The following CHODL variants were observed in gnomAD, a reference collection of about 807,000 sequenced individuals.
CHODL encodes chondrolectin.
A neutral mutation model predicts 34.5 loss-of-function variants in CHODL; 29 were observed. The ratio of observed to expected loss-of-function variants is 0.84; its 90% confidence interval spans 0.63 to 1.15. The LOEUF is 1.15. Ranked by LOEUF, CHODL falls within the 50% of genes most tolerant of loss-of-function variation. CHODL has a pLI of 0.00. For synonymous variants in CHODL, 125 were observed against 116.1 expected, an observed-to-expected ratio of 1.08 and a Z score of -0.49; for missense variants, 332 against 332.5, an observed-to-expected ratio of 1.00 and a Z score of 0.01.
intron 2 of CHODL, among the ~76,000 whole-genome samples, chr21:18,071,713 T>TCATTTCTATTTCTATTA (rs1267686314): frequency 6.6e-6 from 1 of 152,180 alleles, no homozygotes; most frequent in African/African-American, 2.4e-5. Context: ...CATTTCTATT[T>TCATTTCTATTTCTATTA]CATTTCTATT....
intron 2 of CHODL, among the ~76,000 whole-genome samples, chr21:18,180,055 G>C (rs1792026568): frequency 6.6e-6 from 1 of 152,120 alleles, no homozygotes; most frequent in South Asian, 2.1e-4. Flanking sequence ...TATTGTTGTA[G>C]GGATTAAATG....
chr21:17,966,831 T>C (rs1483570717), intron 1 of CHODL, among the ~76,000 whole-genome samples: 1 of 152,002 alleles, frequency 6.6e-6, no homozygotes, highest in East Asian at 1.9e-4. Context: ...CAGTGTTTGG[T>C]GATACAGAAA....
At chr21:18,247,355 A>T (rs149404235) in intron 1 of CHODL, among the ~76,000 whole-genome samples, 1 of 152,126 alleles carries the variant, frequency 6.6e-6, no homozygotes, top group African/African-American at 2.4e-5. Context: ...AAATTTCAGT[A>T]CAACAATTTA....
chr21:18,228,341 G>T (rs939524567), intron 2 of CHODL, among the ~76,000 whole-genome samples: 1 of 152,010 alleles, frequency 6.6e-6, no homozygotes. Context: ...CATGTAAATC[G>T]CTTTCTCTGT....
At chr21:17,928,514 G>A (rs141194436) in intron 1 of CHODL, among the ~76,000 whole-genome samples, 249 of 152,262 alleles carry the variant, frequency 1.6e-3, no homozygotes, top group Middle Eastern at 6.8e-3. Context: ...GTATAAAGAT[G>A]TAAGAAGTGC....
chr21:17,928,868 T>C (rs548844335), intron 1 of CHODL, among the ~76,000 whole-genome samples: 1 of 152,352 alleles, frequency 6.6e-6, no homozygotes, highest in South Asian at 2.1e-4. Context: ...ATTTTAATAA[T>C]TTAGGCTTAG....
At chr21:18,089,831 G>A (rs551055899) in intron 2 of CHODL, among the ~76,000 whole-genome samples, 1 of 152,322 alleles carries the variant, frequency 6.6e-6, no homozygotes, top group South Asian at 2.1e-4. Context: ...AAATGAGATA[G>A]ATGAGTTTAT....
At chr21:18,103,656 G>T (rs1324384574) in intron 2 of CHODL, among the ~76,000 whole-genome samples, 1 of 152,134 alleles carries the variant, frequency 6.6e-6, no homozygotes, top group Non-Finnish European at 1.5e-5. Flanking sequence ...TGGAGCCATG[G>T]TGGAGATGGC....
intron 2 of CHODL, among the ~76,000 whole-genome samples, chr21:18,098,136 G>A (rs1340589285): frequency 6.6e-6 from 1 of 151,988 alleles, no homozygotes; most frequent in Non-Finnish European, 1.5e-5. Flanking sequence ...GACACTCTTA[G>A]GACTTTGGTC....
intron 2 of CHODL, among the ~76,000 whole-genome samples, chr21:18,051,664 A>G (rs1294856807): frequency 6.6e-6 from 1 of 151,958 alleles, no homozygotes; most frequent in Non-Finnish European, 1.5e-5. Flanking sequence ...TAAATTTGGC[A>G]GGAATTTTAA....
At chr21:18,228,030 G>A (rs1225583929) in intron 2 of CHODL, among the ~76,000 whole-genome samples, 3 of 152,200 alleles carry the variant, frequency 2.0e-5, no homozygotes, top group African/African-American at 7.2e-5. Context: ...TCTTTTGACT[G>A]GATGGGAACC....
intron 1 of CHODL, among the ~76,000 whole-genome samples, chr21:17,973,424 T>TC (rs1300088195): frequency 1.4e-5 from 2 of 147,110 alleles, no homozygotes; most frequent in East Asian, 3.9e-4. Flanking sequence ...TTTCTTTTTT[T>TC]TTTTTTTTTT....
Position 18,155,124 on chromosome 21 carries a change from G to T in CHODL, c.-44-101385G>T, listed in dbSNP as rs149188456. ...ACAGACATATTTATTCATCCTGTTA[G>T]TACTAGAGGTGACTATTTTTTCATA... On this transcript the variant is annotated intron_variant, in intron 2 of 6. Transcript: ENST00000400127. 4.2e-3 allele frequency among the ~76,000 whole-genome samples: 640 copies of T among 152,232 alleles called. 2 individuals carry two copies. The highest frequency in any genetic ancestry group is 0.014 in the African/African-American group (585 of 41,528).
chr21:18,081,558 G>C (rs538735708), intron 2 of CHODL, among the ~76,000 whole-genome samples: 1 of 152,044 alleles, frequency 6.6e-6, no homozygotes, highest in Non-Finnish European at 1.5e-5. Context: ...ATGCGTGCCT[G>C]TAATCCCAGC....
At position 17,997,202 on chromosome 21, in the gene CHODL, C is replaced by T. The variant is rs147365437; in HGVS notation, c.-144-30670C>T. Among the ~76,000 whole-genome samples the T allele has an allele frequency of 5.5e-3, 845 of 152,302 alleles. 8 individuals are homozygous for T. The highest frequency in any genetic ancestry group is 0.013 in the African/African-American group (555 of 41,550). On this transcript the variant is annotated intron_variant, in intron 1 of 6. Coordinates refer to the CHODL transcript ENST00000400127. ...GTCTTCCAAATAATCTCTTGAATAA[C>T]TGGTATGTCTAGATATGTGGAATAA...
intron 2 of CHODL, among the ~76,000 whole-genome samples, chr21:18,238,480 C>T (rs2074050663): frequency 1.3e-5 from 2 of 152,086 alleles, no homozygotes. Context: ...AAAGTGCTCC[C>T]ATGATTCAAG....
chr21:18,232,785 C>T (rs1412680162), intron 2 of CHODL, among the ~76,000 whole-genome samples: 3 of 151,548 alleles, frequency 2.0e-5, no homozygotes, highest in African/African-American at 7.3e-5. Context: ...TTAGTGGAGT[C>T]TCCAGTCTTA....
At chr21:17,996,350 C>T (rs2146394227) in intron 1 of CHODL, among the ~76,000 whole-genome samples, 1 of 152,316 alleles carries the variant, frequency 6.6e-6, no homozygotes, top group East Asian at 1.9e-4. Context: ...CAGAAATCTG[C>T]ACCTTTCTTA....
chr21:18,203,179 C>G (rs9305855), intron 2 of CHODL, among the ~76,000 whole-genome samples: 112,229 of 152,078 alleles, frequency 0.74, 41,931 homozygotes, highest in East Asian at 0.93. Flanking sequence ...AAATCTGAGA[C>G]GATTCTGGCT....
Sources: gnomAD v4.1 joint callset for allele counts (sites outside exome capture counted in the v4.1 genomes callset) on GRCh38, gnomAD v4.1.1 for gene constraint, MANE v1.5 for transcripts, NCBI Gene and HGNC (gene_info 2026-07-23, HGNC 2026-07-21) for gene names.